Variants in EPS8 observed in about 807,000 individuals in gnomAD.
EPS8 encodes epidermal growth factor receptor kinase substrate 8.
A neutral mutation model predicts 103.8 loss-of-function variants in EPS8; 42 were observed. That is an observed-to-expected ratio of 0.40 (90% confidence interval 0.32 to 0.52). The LOEUF (loss-of-function observed/expected upper bound fraction) is 0.52. Among genes scored for constraint, EPS8 ranks in the 20% least tolerant of loss-of-function variants. The pLI is 0.40. For missense variants in EPS8, 969 were observed against 1,005.1 expected (o/e 0.96, Z 0.49); for synonymous variants, 344 against 344.6 (o/e 1.00, Z 0.02).
chr12:15,678,049 G>A (rs1344932730), intron 3 of EPS8, among the ~76,000 whole-genome samples: 3 of 151,988 alleles, frequency 2.0e-5, no homozygotes, highest in East Asian at 3.9e-4. Flanking sequence ...CCATGTGGCC[G>A]GATCTCAAGC....
In EPS8 at chr12:15,716,192, C is replaced by G. The variant is rs1002527881; in HGVS notation, c.-21-33220G>C. Reference sequence around the variant, plus strand: ...TAAGATACTGTCTCTTAAAAATGGTCCATAGGTCTGCCAAATGCCAAAAAA... The same window carrying G: ...TAAGATACTGTCTCTTAAAAATGGTGCATAGGTCTGCCAAATGCCAAAAAA... On this transcript the variant is annotated intron_variant, in intron 1 of 20. Coordinates refer to ENST00000281172, the MANE Select transcript of EPS8 (RefSeq NM_004447.6). The surrounding 1 kb of genome is among the most constrained non-coding windows in gnomAD (Gnocchi z 5.0). 1.3e-5 allele frequency among the ~76,000 whole-genome samples: 2 copies of G among 152,046 alleles called. No individual in the cohort carries two copies. The highest frequency in any genetic ancestry group is 4.8e-5 in the African/African-American group (2 of 41,386).
At chr12:15,692,638 A>G (rs1946190848) in intron 1 of EPS8, among the ~76,000 whole-genome samples, 1 of 151,964 alleles carries the variant, frequency 6.6e-6, no homozygotes, top group Admixed American at 6.6e-5. Flanking sequence ...TTTCCTTGCT[A>G]TATATACTTT....
intron 6 of EPS8, among the ~76,000 whole-genome samples, chr12:15,667,157 G>A (rs376196019): frequency 1.6e-4 from 25 of 152,158 alleles, no homozygotes; most frequent in Non-Finnish European, 2.9e-4. Flanking sequence ...TTTGTTTAGA[G>A]CCAGTGATCA....
chr12:15,746,746 C>T (rs552017084), intron 1 of EPS8, among the ~76,000 whole-genome samples: 5 of 152,216 alleles, frequency 3.3e-5, no homozygotes, highest in Admixed American at 3.3e-4. Flanking sequence ...ATTAGAAGAG[C>T]TCTGGAATCC....
At position 15,734,290 on chromosome 12, in the gene EPS8, T is replaced by C. The variant is rs1458194438; in HGVS notation, c.-21-51318A>G. ...CCTCAGCTGCTTCCTCCTCTTCCTT[T>C]TCTTCTATTTGTTTGCCAGTTTATT... On this transcript the variant is annotated intron_variant, in intron 1 of 20. Coordinates refer to ENST00000281172, the MANE Select transcript of EPS8 (RefSeq NM_004447.6). This position sits in a 1 kb window ranked among gnomAD's most constrained non-coding sequence, Gnocchi z 4.1. Among the ~76,000 whole-genome samples, 3 of 152,154 alleles carry C rather than the reference T, an allele frequency of 2.0e-5. No individual in the cohort carries two copies. Among genetic ancestry groups the C allele is most frequent in the Non-Finnish European group, 1.5e-5 (1 of 68,038 alleles).
At chr12:15,707,749 G>C (rs536482418) in intron 1 of EPS8, among the ~76,000 whole-genome samples, 1 of 152,128 alleles carries the variant, frequency 6.6e-6, no homozygotes, top group African/African-American at 2.4e-5. Flanking sequence ...AATTTGATTA[G>C]GCTTTATGTA....
Position 15,701,204 on chromosome 12 carries a change from T to C in EPS8, c.-21-18232A>G, listed in dbSNP as rs1345095650. On this transcript the variant is annotated intron_variant, in intron 1 of 20. Transcript: ENST00000281172. This position sits in a 1 kb window ranked among gnomAD's most constrained non-coding sequence, Gnocchi z 5.1. The stretch of plus-strand genomic sequence containing the variant: ...TAATTTACAAAAACAATAACACTTA[T>C]TAAATCCATATATGTGTCAAACGTT... 6.6e-6 allele frequency among the ~76,000 whole-genome samples: 1 copy of C among 152,236 alleles called. No individual in the cohort carries two copies. The highest frequency in any genetic ancestry group is 6.5e-5 in the Admixed American group (1 of 15,288).
intron 1 of EPS8, among the ~76,000 whole-genome samples, chr12:15,773,167 A>T (rs1947171747): frequency 6.6e-6 from 1 of 152,184 alleles, no homozygotes; most frequent in Admixed American, 6.5e-5. Context: ...CCTCACCAAG[A>T]CACACCTGAA....
At position 15,733,221 on chromosome 12, in the gene EPS8, C is replaced by T. The variant is rs1478260902; in HGVS notation, c.-21-50249G>A. 6.6e-6 allele frequency among the ~76,000 whole-genome samples: 1 copy of T among 152,108 alleles called. No homozygotes were observed. The highest frequency in any genetic ancestry group is 1.9e-4 in the East Asian group (1 of 5,190). ...CTTAACAGGAAGCATAGCTGAGAGGCCTCAGGAAACTTAGAATCATGGTGG... is the reference window on the plus strand; with the variant it reads ...CTTAACAGGAAGCATAGCTGAGAGGTCTCAGGAAACTTAGAATCATGGTGG... On this transcript the variant is annotated intron_variant, in intron 1 of 20. Coordinates refer to ENST00000281172, the MANE Select transcript of EPS8 (RefSeq NM_004447.6). This position sits in a 1 kb window ranked among gnomAD's most constrained non-coding sequence, Gnocchi z 4.8.
chr12:15,677,720 T>G (rs1945933711), intron 3 of EPS8, among the ~76,000 whole-genome samples: 1 of 152,204 alleles, frequency 6.6e-6, no homozygotes, highest in African/African-American at 2.4e-5. Context: ...CACACACTGT[T>G]TAAGTTGCAG....
At chr12:15,669,112 C>T (rs1945766926) in intron 6 of EPS8, among the ~76,000 whole-genome samples, 4 of 152,054 alleles carry the variant, frequency 2.6e-5, no homozygotes, top group African/African-American at 4.8e-5. Context: ...CAGGCTGGGC[C>T]CAAACCCCTG....
Position 15,761,246 on chromosome 12 carries a change from A to G in EPS8, c.-22+27915T>C, listed in dbSNP as rs1264192700. On this transcript the variant is annotated intron_variant, in intron 1 of 20. Coordinates refer to ENST00000281172, the MANE Select transcript of EPS8 (RefSeq NM_004447.6). This position sits in a 1 kb window ranked among gnomAD's most constrained non-coding sequence, Gnocchi z 4.5. ...TTAACTAAAGAAGTGAAGAATCTCT[A>G]TCATGAAAACTATAAAACACTGATG... 6.6e-6 allele frequency among the ~76,000 whole-genome samples: 1 copy of G among 152,110 alleles called. No individual in the cohort carries two copies. Among genetic ancestry groups the G allele is most frequent in the East Asian group, 1.9e-4 (1 of 5,198 alleles).
chr12:15,654,857 A>G (rs1319999465), intron 12 of EPS8, among the ~76,000 whole-genome samples: 1 of 152,118 alleles, frequency 6.6e-6, no homozygotes, highest in Non-Finnish European at 1.5e-5. Flanking sequence ...TTTTTAGAAA[A>G]TTCCTCTGAT....
intron 20 of EPS8, among the ~76,000 whole-genome samples, chr12:15,622,411 G>A (rs146377217): frequency 9.1e-4 from 139 of 152,202 alleles, no homozygotes; most frequent in African/African-American, 3.3e-3. Flanking sequence ...TTTAACTGTT[G>A]AATTTATAGA....
At position 15,650,956 on chromosome 12, in the gene EPS8, C is replaced by A. The variant is rs149971109; in HGVS notation, c.1301G>T (p.Arg434Leu). 3 of 1,613,878 alleles carry A rather than the reference C, an allele frequency of 1.9e-6. No homozygotes were observed. Among genetic ancestry groups the A allele is most frequent in the African/African-American group, 1.3e-5 (1 of 74,890 alleles). The change falls in exon 14 of 21, where the codon CGC becomes CTC. Residue 434 changes from arginine to leucine, a missense_variant. Arg to Leu is a moderately radical substitution (Grantham distance 102). Coordinates refer to ENST00000281172, the MANE Select transcript of EPS8 (RefSeq NM_004447.6). Reference protein sequence around the residue: ...QFIPPYVPRFRNGWEPPMLNF... With the variant: ...QFIPPYVPRFLNGWEPPMLNF... ...CAGCATTGGGGGCTCCCAGCCATTG[C>A]GGAATCGTGGAACATATGGTGGAAT...
At position 15,665,944 on chromosome 12, in the gene EPS8, T is replaced by C. The variant is rs1555112708; in HGVS notation, c.600-52A>G. On this transcript the variant is annotated intron_variant, in intron 7 of 20. Transcript: ENST00000281172. ...TTTTACCATCTCTATTTCTATAACA[T>C]ATCAATTAACTCAACTTGTGGTACT... 8.9e-6 allele frequency: 14 copies of C among 1,568,438 alleles called. No individual in the cohort carries two copies. In the South Asian group the frequency reaches 1.4e-4, roughly 15 times the overall value.
At chr12:15,644,028 A>AAT (rs1307983948) in intron 15 of EPS8, among the ~76,000 whole-genome samples, 1 of 152,218 alleles carries the variant, frequency 6.6e-6, no homozygotes, top group Non-Finnish European at 1.5e-5. Context: ...TGTTAAGCTA[A>AAT]ATATGTTCTG....
chr12:15,706,289 T>C lies in EPS8; in HGVS notation c.-21-23317A>G, dbSNP rs908939197. Among the ~76,000 whole-genome samples the C allele has an allele frequency of 6.6e-6, 1 of 152,224 alleles. No homozygotes were observed. The highest frequency in any genetic ancestry group is 6.5e-5 in the Admixed American group (1 of 15,290). ...GGAGGAGCCTGGCCTTGCCTTTTCCTGCGTGGAACCTGGGATTCAAAAGGC... is the reference window on the plus strand; with the variant it reads ...GGAGGAGCCTGGCCTTGCCTTTTCCCGCGTGGAACCTGGGATTCAAAAGGC... On this transcript the variant is annotated intron_variant, in intron 1 of 20. Transcript: ENST00000281172. The surrounding 1 kb of genome is among the most constrained non-coding windows in gnomAD (Gnocchi z 5.2).
chr12:15,752,979 T>A lies in EPS8; in HGVS notation c.-22+36182A>T, dbSNP rs1946949215. 6.6e-6 allele frequency among the ~76,000 whole-genome samples: 1 copy of A among 151,780 alleles called. No individual in the cohort carries two copies. Among genetic ancestry groups the A allele is most frequent in the Non-Finnish European group, 1.5e-5 (1 of 67,984 alleles). Reference sequence around the variant, plus strand: ...AAAAGGGGCAATTGTGGGATAACCATCATTTATTTATAGCTCTGTGGCTTA... The same window carrying A: ...AAAAGGGGCAATTGTGGGATAACCAACATTTATTTATAGCTCTGTGGCTTA... On this transcript the variant is annotated intron_variant, in intron 1 of 20. Coordinates refer to ENST00000281172, the MANE Select transcript of EPS8 (RefSeq NM_004447.6). The surrounding 1 kb of genome is among the most constrained non-coding windows in gnomAD (Gnocchi z 4.4).
Sources: allele counts gnomAD v4.1 joint callset (sites outside exome capture counted in the v4.1 genomes callset), GRCh38; gene constraint gnomAD v4.1.1; non-coding constraint Gnocchi (gnomAD v3.1); transcripts MANE v1.5; gene names NCBI Gene and HGNC (gene_info 2026-07-23, HGNC 2026-07-21).